ABCB1: variants seen among roughly 807,000 people sequenced by gnomAD.
The protein encoded by ABCB1 is ATP binding cassette subfamily B member 1, also known as ATP-dependent translocase ABCB1.
ABCB1 carries 69 observed loss-of-function variants against 142.0 expected under a neutral mutation model. That is an observed-to-expected ratio of 0.49 (90% CI 0.40 to 0.59). The LOEUF (loss-of-function observed/expected upper bound fraction) is 0.59. Among genes scored for constraint, ABCB1 ranks in the 20% least tolerant of loss-of-function variants. ABCB1 has a pLI of 0.00. For missense variants in ABCB1, 1,326 were observed against 1,554.7 expected (o/e 0.85, Z 2.47); for synonymous variants, 532 against 539.2 (o/e 0.99, Z 0.18).
At chr7:87,628,260 C>T (rs1820801509) in intron 1 of ABCB1, among the ~76,000 whole-genome samples, 2 of 152,292 alleles carry the variant, frequency 1.3e-5, no homozygotes, top group East Asian at 1.9e-4. Flanking sequence ...CGCGTCGGGG[C>T]GGGGCTTGAG....
At chr7:87,507,266 G>T (rs150515197) in intron 26 of ABCB1, among the ~76,000 whole-genome samples, 1 of 152,320 alleles carries the variant, frequency 6.6e-6, no homozygotes, top group Admixed American at 6.5e-5. Context: ...GTAGACAAAT[G>T]CCAGAGAGGC....
intron 21 of ABCB1, among the ~76,000 whole-genome samples, chr7:87,530,218 T>TCA (rs1563036881): frequency 6.6e-6 from 1 of 152,198 alleles, no homozygotes; most frequent in Non-Finnish European, 1.5e-5. Context: ...AGAATGTTCA[T>TCA]CACACATATA....
At chr7:87,663,178 A>G (rs1195352649) in intron 1 of ABCB1, among the ~76,000 whole-genome samples, 3 of 152,136 alleles carry the variant, frequency 2.0e-5, no homozygotes, top group Admixed American at 6.6e-5. Flanking sequence ...AGATCATATC[A>G]TCTGAAAACA....
intron 1 of ABCB1, among the ~76,000 whole-genome samples, chr7:87,708,669 A>T (rs996790495): frequency 1.3e-5 from 2 of 152,016 alleles, no homozygotes; most frequent in Admixed American, 1.3e-4. Flanking sequence ...TTAAATGCTG[A>T]CAGCTCATTC....
intron 25 of ABCB1, among the ~76,000 whole-genome samples, 196 bp from the exon 26 acceptor site, chr7:87,509,677 T>C (rs1360049750): frequency 6.6e-6 from 1 of 152,228 alleles, no homozygotes; most frequent in Non-Finnish European, 1.5e-5. Context: ...TCATGTTTCC[T>C]GTGTTTCAAC....
chr7:87,676,464 G>A (rs555677390), intron 1 of ABCB1, among the ~76,000 whole-genome samples: 21 of 151,814 alleles, frequency 1.4e-4, no homozygotes, highest in African/African-American at 5.1e-4. Flanking sequence ...ACTTTGGGAG[G>A]CCAAGGCAGG....
At chr7:87,560,495 C>G (rs1817515365) in intron 8 of ABCB1, among the ~76,000 whole-genome samples, 1 of 152,126 alleles carries the variant, frequency 6.6e-6, no homozygotes, top group Non-Finnish European at 1.5e-5. Flanking sequence ...TCTCATCTTC[C>G]CTAGAGCTAA....
chr7:87,521,017 G>T (rs1374258137), intron 21 of ABCB1, 141 bp from the exon 22 acceptor site: 5 of 690,678 alleles, frequency 7.2e-6, no homozygotes, highest in African/African-American at 3.6e-5. Context: ...TGTAGAAAAA[G>T]ATACTAAGTA....
At chr7:87,678,460 C>T (rs1021947915) in intron 1 of ABCB1, among the ~76,000 whole-genome samples, 1 of 151,832 alleles carries the variant, frequency 6.6e-6, no homozygotes, top group Non-Finnish European at 1.5e-5. Flanking sequence ...TATAAAGATA[C>T]TAAGAGTTTT....
At chr7:87,701,434 G>T (rs994039822) in intron 1 of ABCB1, among the ~76,000 whole-genome samples, 34 of 152,262 alleles carry the variant, frequency 2.2e-4, no homozygotes, top group Non-Finnish European at 3.2e-4. Context: ...AAACATTGAT[G>T]TTGATATCAA....
intron 2 of ABCB1, among the ~76,000 whole-genome samples, chr7:87,598,792 A>G (rs776738494): frequency 2.0e-5 from 3 of 152,224 alleles, no homozygotes; most frequent in Non-Finnish European, 4.4e-5. Context: ...AGCATCTTCC[A>G]GACAGCTTCA....
chr7:87,624,087 C>A (rs1206082302), intron 1 of ABCB1, among the ~76,000 whole-genome samples: 5 of 152,066 alleles, frequency 3.3e-5, no homozygotes, highest in African/African-American at 1.2e-4. Context: ...AAAATGTTTT[C>A]TCGGTCTCAT....
At chr7:87,578,717 G>C (rs1212679396) in intron 4 of ABCB1, among the ~76,000 whole-genome samples, 1 of 142,914 alleles carries the variant, frequency 7.0e-6, no homozygotes, top group Admixed American at 7.0e-5. Context: ...TTTTTGAGAC[G>C]GAGTCTCGCT....
At chr7:87,673,586 C>A (rs558599509) in intron 1 of ABCB1, among the ~76,000 whole-genome samples, 7 of 152,156 alleles carry the variant, frequency 4.6e-5, no homozygotes, top group Non-Finnish European at 8.8e-5. Context: ...CTTAAAATGG[C>A]CCTTCGATAT....
At chr7:87,675,429 A>G (rs1020631035) in intron 1 of ABCB1, among the ~76,000 whole-genome samples, 1 of 152,224 alleles carries the variant, frequency 6.6e-6, no homozygotes, top group African/African-American at 2.4e-5. Context: ...AGCTGAAGGC[A>G]TTATGCTTCC....
intron 18 of ABCB1, 73 bp downstream of exon 18, chr7:87,541,284 A>G: frequency 1.9e-6 from 2 of 1,027,276 alleles, no homozygotes; most frequent in Non-Finnish European, 3.0e-6. Flanking sequence ...AATTACACTG[A>G]TGTTTATAAA....
chr7:87,583,966 TATAGGAACTA>T (rs1818625197), intron 4 of ABCB1, among the ~76,000 whole-genome samples: 1 of 152,126 alleles, frequency 6.6e-6, no homozygotes, highest in South Asian at 2.1e-4. Flanking sequence ...ATATAGCAAG[TATAGGAACTA>T]ATGAATTCAG....
chr7:87,548,552 T>C (rs1012148023), intron 14 of ABCB1, among the ~76,000 whole-genome samples: 3 of 152,178 alleles, frequency 2.0e-5, no homozygotes, highest in Non-Finnish European at 4.4e-5. Context: ...TTAAGGAACA[T>C]TCAAGTGTTG....
intron 4 of ABCB1, among the ~76,000 whole-genome samples, chr7:87,570,825 G>GTGTAC: frequency 6.6e-6 from 1 of 152,072 alleles, no homozygotes; most frequent in Middle Eastern, 3.4e-3. Context: ...ACATTTTTGT[G>GTGTAC]TGTACATTTT....
Sources: gnomAD v4.1 joint callset for allele counts (sites outside exome capture counted in the v4.1 genomes callset) on GRCh38, gnomAD v4.1.1 for gene constraint, MANE v1.5 for transcripts, NCBI Gene and HGNC (gene_info 2026-07-23, HGNC 2026-07-21) for gene names.